The following CEP135 variants were observed in gnomAD, a reference collection of about 807,000 sequenced individuals.
CEP135 encodes centrosomal protein 135.
CEP135 carries 142 observed loss-of-function variants against 157.3 expected under a neutral mutation model. The observed-to-expected ratio is 0.90, with a 90% CI of 0.79 to 1.04. The LOEUF is 1.04. Among genes scored for constraint, CEP135 ranks in the 50% least tolerant of loss-of-function variants. CEP135 has a pLI of 0.00. For missense variants in CEP135, 1,317 were observed against 1,309.2 expected, an observed-to-expected ratio of 1.01 and a Z score of -0.09; for synonymous variants, 396 against 439.8, an observed-to-expected ratio of 0.90 and a Z score of 1.25.
rs1730426144 is a variant in CEP135, at chr4:56,008,282, A to G, written c.2281-45A>G. On this transcript the variant is annotated intron_variant, in intron 17 of 25. Transcript: ENST00000257287. ...TGACAAGTTACATAAATTTAGCTAA[A>G]GACATTTTGGTTTAAAATCTTACAC... 4 of 1,379,844 alleles carry G rather than the reference A, an allele frequency of 2.9e-6. No individual in the cohort carries two copies. In the African/African-American group the frequency reaches 4.3e-5, roughly 15 times the overall value. The allele number at this position is 1,379,844 out of a possible 1,614,324, so 85.5% of individuals were successfully genotyped here.
chr4:56,009,558 G>A (rs1397225720), intron 18 of CEP135, among the ~76,000 whole-genome samples, 177 bp from the exon 19 acceptor site: 1 of 152,004 alleles, frequency 6.6e-6, no homozygotes, highest in Non-Finnish European at 1.5e-5. Context: ...GTAATTATTG[G>A]TAGAGCTCTA....
At chr4:56,028,142 G>T (rs1005460039) in intron 25 of CEP135, among the ~76,000 whole-genome samples, 8 of 152,162 alleles carry the variant, frequency 5.3e-5, no homozygotes, top group African/African-American at 1.4e-4. Flanking sequence ...CACCTGGGTT[G>T]TTTCTATCAT....
intron 14 of CEP135, 83 bp downstream of exon 14, chr4:55,985,441 T>C: frequency 1.9e-6 from 1 of 519,176 alleles, no homozygotes; most frequent in Non-Finnish European, 3.2e-6. Context: ...TATTTTTTAA[T>C]TTTAATTTTA....
At chr4:55,963,109 C>T (rs902259764) in intron 6 of CEP135, among the ~76,000 whole-genome samples, 4 of 152,178 alleles carry the variant, frequency 2.6e-5, no homozygotes, top group Admixed American at 6.5e-5. Context: ...CTCTTGCCTT[C>T]GCATACCACT....
intron 23 of CEP135, 48 bp from the exon 24 acceptor site, chr4:56,020,628 T>G: frequency 6.6e-7 from 1 of 1,506,760 alleles, no homozygotes; most frequent in Non-Finnish European, 9.2e-7. Context: ...AGCACCTGAC[T>G]CTACAAAACG....
chr4:55,960,234 T>C (rs1728634995), intron 6 of CEP135: 1 of 161,736 alleles, frequency 6.2e-6, no homozygotes, highest in Non-Finnish European at 1.3e-5. Flanking sequence ...TTTTCTACTC[T>C]TATTATATAT....
At chr4:55,971,233 T>C (rs1172481991) in intron 9 of CEP135, 37 bp from the exon 10 acceptor site, 3 of 1,476,088 alleles carry the variant, frequency 2.0e-6, no homozygotes, top group Middle Eastern at 2.2e-4. Context: ...TTTTATAAAG[T>C]TGTTAGAAAT....
chr4:55,984,765 A>T (rs1057112693), intron 13 of CEP135, among the ~76,000 whole-genome samples: 8 of 152,214 alleles, frequency 5.3e-5, no homozygotes, highest in Non-Finnish European at 1.0e-4. Flanking sequence ...AGCAGCAGTA[A>T]GTTGGATAAA....
chr4:55,964,433 G>A, intron 7 of CEP135, 31 bp downstream of exon 7: 2 of 1,525,600 alleles, frequency 1.3e-6, no homozygotes, highest in South Asian at 1.2e-5. Context: ...TTCACTGAGT[G>A]TATATAATGG....
chr4:55,969,220 C>T (rs1728937514), intron 9 of CEP135, 92 bp downstream of exon 9: 9 of 945,154 alleles, frequency 9.5e-6, no homozygotes, highest in South Asian at 1.5e-5. Context: ...GTCAGGAGTT[C>T]GAGACCATCC....
At chr4:56,027,395 G>A (rs983763275) in intron 25 of CEP135, among the ~76,000 whole-genome samples, 1 of 152,214 alleles carries the variant, frequency 6.6e-6, no homozygotes, top group African/African-American at 2.4e-5. Flanking sequence ...CTTTACTACA[G>A]TGGCAGAGTT....
At position 55,965,870 on chromosome 4, in the gene CEP135, A is replaced by G. The variant is rs762297106; in HGVS notation, c.1044+11A>G. 7 of 1,592,344 alleles carry G rather than the reference A, an allele frequency of 4.4e-6. No homozygotes were observed. In the Admixed American group the frequency reaches 1.2e-4, roughly 27 times the overall value. ...CTTGGGGAAGCAAAGGTAATGAATGATATGTGTAGATTGTGAGAGTGTTCA... is the reference window on the plus strand; with the variant it reads ...CTTGGGGAAGCAAAGGTAATGAATGGTATGTGTAGATTGTGAGAGTGTTCA... On this transcript the variant is annotated intron_variant, in intron 8 of 25. Transcript: ENST00000257287.
chr4:56,006,762 G>T (rs919849080), intron 17 of CEP135, among the ~76,000 whole-genome samples: 3 of 152,156 alleles, frequency 2.0e-5, no homozygotes, highest in Admixed American at 6.5e-5. Context: ...TCAATCACTG[G>T]TTCCTTGCTT....
intron 13 of CEP135, among the ~76,000 whole-genome samples, chr4:55,983,520 G>A (rs1017658843): frequency 3.3e-5 from 5 of 152,130 alleles, no homozygotes. Context: ...TCCTATCAGT[G>A]CTATCTCTTG....
intron 9 of CEP135, among the ~76,000 whole-genome samples, 172 bp downstream of exon 9, chr4:55,969,300 G>A (rs1398670799): frequency 6.6e-6 from 1 of 152,020 alleles, no homozygotes; most frequent in Non-Finnish European, 1.5e-5. Flanking sequence ...GGTGGCGCAT[G>A]CCTGTAATCC....
In CEP135 at chr4:56,024,558, C is replaced by T. The variant is rs1434663930; in HGVS notation, c.3378C>T (p.Ser1126=). Reference sequence around the variant, plus strand: ...GTCTTGCTACACCACCCCTTAGTTCCACTCTGAGGTCTCCTTCACATTCTC... The same window carrying T: ...GTCTTGCTACACCACCCCTTAGTTCTACTCTGAGGTCTCCTTCACATTCTC... ...RHGLATPPLS[S]TLRSPSHSPE... The change falls in exon 25 of 26, where the codon TCC becomes TCT. Residue 1126 remains serine (S), a synonymous_variant. Transcript: ENST00000257287. The T allele has an allele frequency of 6.2e-7, 1 of 1,613,836 alleles. No homozygotes were observed.
In CEP135 at chr4:56,006,238, A is replaced by G. The variant is rs192429850; in HGVS notation, c.2281-2089A>G. ...ATCCTTAGGTTTTGTATTTTTCTATATCTTGTAGGCAATTTTTGTTCCTTT... is the reference window on the plus strand; with the variant it reads ...ATCCTTAGGTTTTGTATTTTTCTATGTCTTGTAGGCAATTTTTGTTCCTTT... On this transcript the variant is annotated intron_variant, in intron 17 of 25. Coordinates refer to ENST00000257287, the MANE Select transcript of CEP135 (RefSeq NM_025009.5). Among the ~76,000 whole-genome samples, 375 of 152,152 alleles carry G rather than the reference A, an allele frequency of 2.5e-3. 1 individual carries two copies. Among genetic ancestry groups the G allele is most frequent in the Non-Finnish European group, 2.8e-3 (193 of 67,978 alleles).
chr4:55,968,933 A>G, intron 8 of CEP135, 130 bp from the exon 9 acceptor site: 1 of 532,842 alleles, frequency 1.9e-6, no homozygotes, highest in South Asian at 3.9e-5. Context: ...TGAAATTGAT[A>G]GGGATAAAGC....
At chr4:55,981,427 G>C (rs746473072) in intron 13 of CEP135, 48 bp downstream of exon 13, 1 of 1,516,630 alleles carries the variant, frequency 6.6e-7, no homozygotes, top group Non-Finnish European at 8.8e-7. Context: ...GAGAAAAAGA[G>C]GTCTTTGTAT....
Sources: gnomAD v4.1 joint callset for allele counts (sites outside exome capture counted in the v4.1 genomes callset) on GRCh38, gnomAD v4.1.1 for gene constraint, MANE v1.5 for transcripts, NCBI Gene and HGNC (gene_info 2026-07-23, HGNC 2026-07-21) for gene names.